Variants in KCNU1 observed in about 807,000 individuals in gnomAD.
KCNU1 encodes potassium channel subfamily U member 1.
A neutral mutation model predicts 126.8 loss-of-function variants in KCNU1; 93 were observed. The observed-to-expected ratio is 0.73, with a 90% CI of 0.62 to 0.87. The LOEUF (loss-of-function observed/expected upper bound fraction) is 0.87, where lower values mean the gene tolerates loss of function less well. Ranked by LOEUF, KCNU1 falls within the 40% of genes least tolerant of loss-of-function variation. The pLI is 0.00. For synonymous variants in KCNU1, 523 were observed against 494.2 expected, an observed-to-expected ratio of 1.06 and a Z score of -0.77; for missense variants, 1,330 against 1,367.1, an observed-to-expected ratio of 0.97 and a Z score of 0.43.
Position 36,932,893 on chromosome 8 carries a change from A to T in KCNU1, c.2932-27A>T, listed in dbSNP as rs375604398. The T allele has an allele frequency of 2.3e-5, 30 of 1,288,578 alleles. No homozygotes were observed. The African/African-American group carries it at 4.1e-4, about 18-fold the overall frequency. The allele number at this position is 1,288,578 out of a possible 1,614,324, so 79.8% of individuals were successfully genotyped here. A position where few individuals can be genotyped will look rare whatever the true frequency, so the allele number is the denominator to read the frequency against. On this transcript the variant is annotated intron_variant, in intron 25 of 26. Coordinates refer to ENST00000399881, the MANE Select transcript of KCNU1 (RefSeq NM_001031836.3). ...ATTGCTTGATCAAAGTGCCCAGCAG[A>T]CATATTTTTGTCTCTTCTCTCCCCA...
At chr8:36,790,069 G>A (rs555558635) in intron 2 of KCNU1, among the ~76,000 whole-genome samples, 15 of 152,294 alleles carry the variant, frequency 9.8e-5, no homozygotes, top group Non-Finnish European at 1.3e-4. Flanking sequence ...ATATTTTAAG[G>A]TTCAAGAGGC....
chr8:36,817,718 A>C lies in KCNU1; in HGVS notation c.1064A>C (p.Asp355Ala), dbSNP rs780787824. ...GCTTTCCTGAGGAATTTCCTCCGCGACAAGTCAGGAGAGATCAACACTGAA... is the reference window on the plus strand; with the variant it reads ...GCTTTCCTGAGGAATTTCCTCCGCGCCAAGTCAGGAGAGATCAACACTGAA... ...VTAFLRNFLRDKSGEINTEIV... is the reference protein window; with the variant it reads ...VTAFLRNFLRAKSGEINTEIV... The change falls in exon 10 of 27, where the codon GAC (aspartate) becomes GCC (alanine). Residue 355 changes from aspartate (D) to alanine (A), a missense_variant. Asp to Ala is a moderately radical substitution (Grantham distance 126, BLOSUM62 -2). Around this residue, in one of 3 missense-constraint regions of KCNU1, gnomAD observed 1,054 missense variants for 1,053.9 expected, o/e 1.00. Coordinates refer to ENST00000399881, the MANE Select transcript of KCNU1 (RefSeq NM_001031836.3). 1.2e-6 allele frequency: 2 copies of C among 1,610,634 alleles called. No individual in the cohort carries two copies. The highest frequency in any genetic ancestry group is 2.2e-5 in the East Asian group (1 of 44,760).
At chr8:36,925,912 T>G (rs956944920) in intron 24 of KCNU1, among the ~76,000 whole-genome samples, 1 of 152,104 alleles carries the variant, frequency 6.6e-6, no homozygotes, top group Admixed American at 6.6e-5. Context: ...AGAAAGGCAG[T>G]TGTGGGTCCT....
chr8:36,792,588 C>A (rs970889887), intron 2 of KCNU1, among the ~76,000 whole-genome samples: 1 of 152,178 alleles, frequency 6.6e-6, no homozygotes, highest in Non-Finnish European at 1.5e-5. Flanking sequence ...TCCCCCACTA[C>A]CATTTCACAA....
At chr8:36,847,575 C>T (rs916943230) in intron 18 of KCNU1, among the ~76,000 whole-genome samples, 1 of 152,158 alleles carries the variant, frequency 6.6e-6, no homozygotes, top group East Asian at 1.9e-4. Flanking sequence ...TTTTTTAGCT[C>T]CCATGTGTGG....
intron 19 of KCNU1, among the ~76,000 whole-genome samples, chr8:36,889,520 A>T: frequency 6.6e-6 from 1 of 152,176 alleles, no homozygotes; most frequent in Non-Finnish European, 1.5e-5. Flanking sequence ...ATGCATTTAA[A>T]CTAAGAAAGA....
Position 36,918,917 on chromosome 8 carries a change from G to T in KCNU1, c.2596+20G>T, listed in dbSNP as rs760184367. Reference sequence around the variant, plus strand: ...AACTGAGTAAGTGGTGTTTCGAGGGGAAAATTCAATGGAGAAATTTTTGTG... The same window carrying T: ...AACTGAGTAAGTGGTGTTTCGAGGGTAAAATTCAATGGAGAAATTTTTGTG... On this transcript the variant is annotated intron_variant, in intron 23 of 26. Coordinates refer to ENST00000399881, the MANE Select transcript of KCNU1 (RefSeq NM_001031836.3). 16 of 1,509,924 alleles carry T rather than the reference G, an allele frequency of 1.1e-5. No homozygotes were observed. The highest frequency in any genetic ancestry group is 1.4e-5 in the Non-Finnish European group (15 of 1,089,246). 93.5% of individuals were successfully genotyped at this position (1,509,924 alleles called of 1,614,324 possible).
intron 2 of KCNU1, among the ~76,000 whole-genome samples, chr8:36,791,414 A>C (rs1802896728): frequency 6.6e-6 from 1 of 152,172 alleles, no homozygotes; most frequent in African/African-American, 2.4e-5. Flanking sequence ...TATTTTTAAC[A>C]TCATCCTAAG....
intron 19 of KCNU1, among the ~76,000 whole-genome samples, chr8:36,881,938 A>T (rs1341212085): frequency 6.6e-6 from 1 of 152,010 alleles, no homozygotes. Flanking sequence ...AAAGCTCTGC[A>T]TCTTCACAAG....
intron 19 of KCNU1, chr8:36,889,272 G>A (rs1295570527): frequency 1.3e-5 from 7 of 530,438 alleles, no homozygotes; most frequent in Non-Finnish European, 2.7e-5. Context: ...CCCCATATAT[G>A]ATTTTTTAAG....
chr8:36,875,572 G>A (rs1168196254), intron 19 of KCNU1, among the ~76,000 whole-genome samples: 1 of 151,662 alleles, frequency 6.6e-6, no homozygotes, highest in Non-Finnish European at 1.5e-5. Flanking sequence ...CCAGTGATAG[G>A]GCTTTGTAAT....
chr8:36,784,703 A>G, intron 1 of KCNU1, 98 bp downstream of exon 1: 1 of 976,522 alleles, frequency 1.0e-6, no homozygotes. Context: ...TCAGTTTTTC[A>G]AGCTAACAGA....
chr8:36,932,168 C>A (rs1808721736), intron 25 of KCNU1, among the ~76,000 whole-genome samples: 1 of 152,116 alleles, frequency 6.6e-6, no homozygotes, highest in South Asian at 2.1e-4. Context: ...AAACCACATT[C>A]CAGAAGCTCC....
chr8:36,887,130 C>T (rs955468975), intron 19 of KCNU1, among the ~76,000 whole-genome samples: 2 of 152,022 alleles, frequency 1.3e-5, no homozygotes, highest in African/African-American at 4.8e-5. Flanking sequence ...GTCTTTTTGA[C>T]ATAATTACTT....
At chr8:36,811,859 G>A (rs993388017) in intron 7 of KCNU1, among the ~76,000 whole-genome samples, 2 of 152,148 alleles carry the variant, frequency 1.3e-5, no homozygotes, top group Non-Finnish European at 2.9e-5. Context: ...TGGAGGGCAG[G>A]AGTTCGAGAC....
At chr8:36,816,100 A>G (rs906498459) in intron 9 of KCNU1, among the ~76,000 whole-genome samples, 2 of 135,796 alleles carry the variant, frequency 1.5e-5, no homozygotes, top group East Asian at 4.8e-4. Context: ...TCCAATTTAA[A>G]ATAATTTAGT....
chr8:36,853,390 A>G (rs1805422222), intron 18 of KCNU1, among the ~76,000 whole-genome samples: 1 of 151,976 alleles, frequency 6.6e-6, no homozygotes, highest in African/African-American at 2.4e-5. Flanking sequence ...ATATCTAAAA[A>G]TTTCCCTCTA....
At chr8:36,803,219 C>A (rs1271956373) in intron 2 of KCNU1, among the ~76,000 whole-genome samples, 2 of 152,128 alleles carry the variant, frequency 1.3e-5, no homozygotes, top group Non-Finnish European at 2.9e-5. Context: ...GTAGCCCACT[C>A]AAGGAATATC....
intron 2 of KCNU1, among the ~76,000 whole-genome samples, chr8:36,802,865 T>C (rs1036659902): frequency 3.3e-5 from 5 of 152,170 alleles, no homozygotes; most frequent in Non-Finnish European, 5.9e-5. Flanking sequence ...GATCTTTGTG[T>C]ATATTGATCA....
Sources: allele counts gnomAD v4.1 joint callset (sites outside exome capture counted in the v4.1 genomes callset), GRCh38; gene constraint gnomAD v4.1.1; regional missense constraint gnomAD v4.1.1; transcripts MANE v1.5; gene names NCBI Gene and HGNC (gene_info 2026-07-23, HGNC 2026-07-21).